SRRM3: variants seen among roughly 807,000 people sequenced by gnomAD.
SRRM3 encodes the protein serine/arginine repetitive matrix 3, also known as serine/arginine repetitive matrix protein 3.
A neutral mutation model predicts 66.2 loss-of-function variants in SRRM3; 27 were observed. The observed-to-expected ratio is 0.41, with a 90% confidence interval of 0.30 to 0.56. The LOEUF (loss-of-function observed/expected upper bound fraction) is 0.56, where lower values mean the gene tolerates loss of function less well. Ranked by LOEUF, SRRM3 falls within the 20% of genes least tolerant of loss-of-function variation. The probability of loss-of-function intolerance (pLI) is 0.32; values close to 1 mark genes in which losing one functional copy is unlikely to be tolerated. For synonymous variants in SRRM3, 391 were observed against 414.9 expected, an observed-to-expected ratio of 0.94 and a Z score of 0.70; for missense variants, 918 against 991.9, an observed-to-expected ratio of 0.93 and a Z score of 1.00.
At chr7:76,266,525 T>C (rs189933876) in intron 10 of SRRM3, among the ~76,000 whole-genome samples, 4,900 of 111,792 alleles carry the variant, frequency 0.044, 283 homozygotes, top group East Asian at 0.14. Flanking sequence ...TTATATATTA[T>C]ATATTTAATA....
intron 11 of SRRM3, among the ~76,000 whole-genome samples, chr7:76,271,600 G>A (rs952594930): frequency 6.6e-6 from 1 of 151,920 alleles, no homozygotes; most frequent in Non-Finnish European, 1.5e-5. Flanking sequence ...CCATGATTGC[G>A]CCACTGCACT....
At chr7:76,282,591 C>A in intron 12 of SRRM3, 57 bp from the exon 13 acceptor site, 1 of 1,007,956 alleles carries the variant, frequency 9.9e-7, no homozygotes, top group Non-Finnish European at 1.3e-6. Context: ...ACCCTCCCCG[C>A]CCCCAGCCCC....
intron 1 of SRRM3, among the ~76,000 whole-genome samples, chr7:76,215,964 ATT>A (rs544399520): frequency 1.9e-4 from 26 of 137,426 alleles, no homozygotes; most frequent in African/African-American, 4.3e-4. Flanking sequence ...CGCCCAGCTA[ATT>A]TTTTTTTTTT....
chr7:76,283,906 C>T (rs920458183), intron 14 of SRRM3: 3 of 928,214 alleles, frequency 3.2e-6, no homozygotes, highest in Non-Finnish European at 1.3e-6. Flanking sequence ...TTGGGGGGAA[C>T]ACAGGCAAAA....
rs1800154744 is a variant in SRRM3 at position 76,201,925 on chromosome 7, C to A, written c.-182C>A. ...AGCATTTCAGCAAGCGGCGGCAGCA[C>A]CCGCGGGGAGGCAGAGGGTGCGGGG... On this transcript the variant is annotated 5_prime_UTR_variant, in exon 1 of 15. Transcript: ENST00000611745. 1 of 152,660 alleles carries A rather than the reference C, an allele frequency of 6.6e-6. No individual in the cohort carries two copies. 9.5% of individuals were successfully genotyped at this position (152,660 alleles called of 1,614,324 possible).
chr7:76,254,404 C>T (rs1242421222), intron 3 of SRRM3, among the ~76,000 whole-genome samples: 1 of 152,250 alleles, frequency 6.6e-6, no homozygotes, highest in Non-Finnish European at 1.5e-5. Flanking sequence ...CTGCAACCTC[C>T]GCCTCCCAGG....
chr7:76,257,749 G>A (rs1391849303), intron 3 of SRRM3, among the ~76,000 whole-genome samples: 4 of 151,858 alleles, frequency 2.6e-5, no homozygotes, highest in Admixed American at 6.6e-5. Flanking sequence ...CTCCAGCCTC[G>A]CGACAGGGTG....
chr7:76,266,398 A>G (rs1802045645), intron 10 of SRRM3, among the ~76,000 whole-genome samples: 2 of 113,110 alleles, frequency 1.8e-5, no homozygotes, highest in African/African-American at 7.6e-5. Context: ...ATATTTATAT[A>G]TTTTAATTTA....
intron 8 of SRRM3, among the ~76,000 whole-genome samples, chr7:76,262,802 C>G (rs1230024831): frequency 6.0e-5 from 9 of 149,584 alleles, no homozygotes; most frequent in Middle Eastern, 3.4e-3. Flanking sequence ...GGCGACAGAG[C>G]AAGACTCCAT....
chr7:76,248,615 G>A (rs1465553041), intron 3 of SRRM3, among the ~76,000 whole-genome samples: 1 of 152,144 alleles, frequency 6.6e-6, no homozygotes, highest in Non-Finnish European at 1.5e-5. Context: ...CCTCAGATAT[G>A]CCCTGAACCC....
intron 2 of SRRM3, among the ~76,000 whole-genome samples, chr7:76,237,082 A>G (rs1801171332): frequency 6.6e-6 from 1 of 152,084 alleles, no homozygotes; most frequent in South Asian, 2.1e-4. Context: ...CCTTGCCAAC[A>G]TGGTGAAACC....
chr7:76,227,524 C>T (rs1369783856), intron 1 of SRRM3, among the ~76,000 whole-genome samples: 2 of 152,208 alleles, frequency 1.3e-5, no homozygotes, highest in Non-Finnish European at 2.9e-5. Flanking sequence ...TCCTGGTTGT[C>T]CTCACTGGCT....
intron 11 of SRRM3, 37 bp from the exon 12 acceptor site, chr7:76,281,403 TC>T: frequency 5.1e-6 from 6 of 1,183,690 alleles, no homozygotes; most frequent in Admixed American, 4.6e-5. Context: ...CGTCTCCCTC[TC>T]CCCCCTCCGT....
chr7:76,213,215 T>C (rs1554602009), intron 1 of SRRM3, among the ~76,000 whole-genome samples: 1 of 151,838 alleles, frequency 6.6e-6, no homozygotes, highest in African/African-American at 2.4e-5. Flanking sequence ...TTCACTATGT[T>C]GGCCAGGCTG....
In SRRM3 at chr7:76,261,429, C is replaced by T. The variant is rs782422850; in HGVS notation, c.638+15C>T. The T allele has an allele frequency of 1.2e-5, 19 of 1,604,920 alleles. No individual in the cohort carries two copies. The highest frequency in any genetic ancestry group is 1.5e-5 in the Non-Finnish European group (18 of 1,175,858). Reference sequence around the variant, plus strand: ...CGCCGAGACAGGTACCCTTGCTGCCCCCACCCTGGGGCCTCCTCTTCCTCC... The same window carrying T: ...CGCCGAGACAGGTACCCTTGCTGCCTCCACCCTGGGGCCTCCTCTTCCTCC... On this transcript the variant is annotated intron_variant, in intron 7 of 14. Transcript: ENST00000611745.
intron 1 of SRRM3, among the ~76,000 whole-genome samples, chr7:76,221,359 CTTTTTTTTTT>C (rs781915041): frequency 1.0e-5 from 1 of 95,366 alleles, no homozygotes; most frequent in Non-Finnish European, 1.8e-5. Flanking sequence ...CTGCCCTCCT[CTTTTTTTTTT>C]TTTTTTTTTT....
intron 2 of SRRM3, among the ~76,000 whole-genome samples, chr7:76,241,109 C>A (rs534913581): frequency 6.6e-6 from 1 of 152,278 alleles, no homozygotes; most frequent in East Asian, 1.9e-4. Flanking sequence ...GTTGGCCAGG[C>A]TGGTCTCAAA....
intron 3 of SRRM3, among the ~76,000 whole-genome samples, chr7:76,250,069 G>A (rs1046282172): frequency 2.6e-5 from 4 of 151,578 alleles, no homozygotes; most frequent in Admixed American, 6.6e-5. Flanking sequence ...TTTGACACAG[G>A]GTTTTGCTCT....
intron 1 of SRRM3, among the ~76,000 whole-genome samples, chr7:76,217,239 GAC>G (rs1489411597): frequency 6.6e-6 from 1 of 152,188 alleles, no homozygotes; most frequent in Non-Finnish European, 1.5e-5. Context: ...ATTATAGAAA[GAC>G]ACACACACAG....
Sources: gnomAD v4.1 joint callset for allele counts (sites outside exome capture counted in the v4.1 genomes callset) on GRCh38, gnomAD v4.1.1 for gene constraint, MANE v1.5 for transcripts, NCBI Gene and HGNC (gene_info 2026-07-23, HGNC 2026-07-21) for gene names.